The following CRYZL1 variants were observed in gnomAD, a reference collection of about 807,000 sequenced individuals.
CRYZL1 encodes the protein ferry endosomal RAB5 effector complex subunit 4.
Under a neutral mutation model 50.6 loss-of-function variants are expected in CRYZL1, and 34 were observed. That is an observed-to-expected ratio of 0.67 (90% CI 0.51 to 0.89). The LOEUF (loss-of-function observed/expected upper bound fraction) is 0.89, where lower values mean the gene tolerates loss of function less well. CRYZL1 is among the 40% of genes least tolerant of loss of function. The pLI, the probability that CRYZL1 is intolerant of heterozygous loss-of-function variation, is 0.00. For missense variants in CRYZL1, 354 were observed against 402.3 expected (o/e 0.88, Z 1.03); for synonymous variants, 125 against 134.3 (o/e 0.93, Z 0.48).
chr21:33,629,445 T>G (rs2087111727), intron 2 of CRYZL1, among the ~76,000 whole-genome samples: 3 of 152,194 alleles, frequency 2.0e-5, no homozygotes, highest in Admixed American at 2.0e-4. Context: ...GTATTTTTAG[T>G]AGAGATGGGG....
At chr21:33,608,699 C>T (rs1455621104) in intron 6 of CRYZL1, among the ~76,000 whole-genome samples, 1 of 152,158 alleles carries the variant, frequency 6.6e-6, no homozygotes, top group Non-Finnish European at 1.5e-5. Flanking sequence ...ACAAATGACA[C>T]AATTTCCTGC....
chr21:33,615,898 C>A (rs1320454786), intron 5 of CRYZL1, among the ~76,000 whole-genome samples: 1 of 152,170 alleles, frequency 6.6e-6, no homozygotes, highest in Non-Finnish European at 1.5e-5. Flanking sequence ...CTATGATTAT[C>A]TTTTTATCTA....
At chr21:33,634,778 T>G (rs2087182963) in intron 1 of CRYZL1, among the ~76,000 whole-genome samples, 1 of 151,802 alleles carries the variant, frequency 6.6e-6, no homozygotes, top group African/African-American at 2.4e-5. Context: ...GTCTCCCAGA[T>G]AAGCAGTCAC....
chr21:33,639,040 TAAAG>T (rs2087245213), intron 1 of CRYZL1, among the ~76,000 whole-genome samples: 1 of 152,236 alleles, frequency 6.6e-6, no homozygotes, highest in Admixed American at 6.5e-5. Flanking sequence ...ACTTGAGATC[TAAAG>T]ATAGATAAAG....
chr21:33,594,854 G>A (rs2086678773), intron 11 of CRYZL1: 2 of 152,514 alleles, frequency 1.3e-5, no homozygotes. Context: ...ATTGCTCCTG[G>A]AGGGAACTGG....
At chr21:33,600,849 C>A (rs962387739) in intron 8 of CRYZL1, among the ~76,000 whole-genome samples, 1 of 149,666 alleles carries the variant, frequency 6.7e-6, no homozygotes, top group South Asian at 2.1e-4. Flanking sequence ...GTATGGTCTC[C>A]ATCTCTGGAC....
intron 1 of CRYZL1, among the ~76,000 whole-genome samples, chr21:33,637,695 T>C (rs1005450330): frequency 1.3e-5 from 2 of 150,994 alleles, no homozygotes; most frequent in Non-Finnish European, 2.9e-5. Context: ...GGTTATAATG[T>C]TTCTAACCTA....
At chr21:33,598,931 T>C (rs1345613533) in intron 9 of CRYZL1, among the ~76,000 whole-genome samples, 1 of 152,124 alleles carries the variant, frequency 6.6e-6, no homozygotes, top group African/African-American at 2.4e-5. Flanking sequence ...TAGTCTACGC[T>C]GTAAAAGATA....
At chr21:33,622,465 A>C (rs1021785216) in intron 3 of CRYZL1, among the ~76,000 whole-genome samples, 4 of 152,304 alleles carry the variant, frequency 2.6e-5, no homozygotes, top group Admixed American at 2.6e-4. Flanking sequence ...GGGTGTGGCC[A>C]ATGAGAACAA....
rs926398439 is a variant in CRYZL1, at chr21:33,635,645, C to T, written c.-6-4088G>A. On this transcript the variant is annotated intron_variant, in intron 1 of 12. Coordinates refer to ENST00000381554, the MANE Select transcript of CRYZL1 (RefSeq NM_145858.3). ...CTGGGATTATAGGCGTGAGCCACCGCGCCCGGCCATAAAAGTATTAAACAT... is the reference window on the plus strand; with the variant it reads ...CTGGGATTATAGGCGTGAGCCACCGTGCCCGGCCATAAAAGTATTAAACAT... Among the ~76,000 whole-genome samples, 5 of 151,036 alleles carry T rather than the reference C, an allele frequency of 3.3e-5. No individual in the cohort carries two copies. In the South Asian group the frequency reaches 8.4e-4, roughly 25 times the overall value.
At chr21:33,612,095 A>G (rs1292877653) in intron 6 of CRYZL1, among the ~76,000 whole-genome samples, 3 of 152,164 alleles carry the variant, frequency 2.0e-5, no homozygotes, top group African/African-American at 7.2e-5. Context: ...AGCTGCTATC[A>G]ACTCTTATGC....
At chr21:33,591,968 AAAAG>A (rs1569080032) in intron 11 of CRYZL1, among the ~76,000 whole-genome samples, 2 of 151,804 alleles carry the variant, frequency 1.3e-5, no homozygotes, top group African/African-American at 2.4e-5. Flanking sequence ...AAGAAAAAAA[AAAAG>A]AAAGAAAAAA....
chr21:33,593,315 C>T (rs2086661762), intron 11 of CRYZL1, among the ~76,000 whole-genome samples: 1 of 151,970 alleles, frequency 6.6e-6, no homozygotes, highest in Admixed American at 6.6e-5. Flanking sequence ...ACCATGTTCG[C>T]CAGGATGGTC....
intron 1 of CRYZL1, chr21:33,640,015 G>A (rs764941966): frequency 1.0e-4 from 69 of 669,232 alleles, no homozygotes; most frequent in South Asian, 2.3e-4. Context: ...TAGTAGACAC[G>A]GGGTTTCACC....
chr21:33,641,138 T>G, intron 1 of CRYZL1: 2 of 1,548,708 alleles, frequency 1.3e-6, no homozygotes, highest in Non-Finnish European at 1.7e-6. Flanking sequence ...GAAACGCAGA[T>G]GTTCGGCCCC....
At chr21:33,627,835 C>T (rs2087086422) in intron 2 of CRYZL1, among the ~76,000 whole-genome samples, 1 of 151,300 alleles carries the variant, frequency 6.6e-6, no homozygotes, top group Admixed American at 6.6e-5. Context: ...AACTCCGCCT[C>T]CCGGGTTCAT....
intron 9 of CRYZL1, among the ~76,000 whole-genome samples, chr21:33,598,204 A>G (rs1218582454): frequency 1.3e-5 from 2 of 152,246 alleles, no homozygotes; most frequent in Admixed American, 6.5e-5. Context: ...AAACTCATAG[A>G]CTCAAGATAG....
At chr21:33,595,413 A>G (rs891635875) in intron 11 of CRYZL1, 2 of 1,338,062 alleles carry the variant, frequency 1.5e-6, no homozygotes, top group African/African-American at 1.5e-5. Flanking sequence ...TCTTCCAGGT[A>G]TCTTAGGGCT....
At chr21:33,619,559 TTTC>T (rs2086971456) in intron 4 of CRYZL1, among the ~76,000 whole-genome samples, 1 of 151,858 alleles carries the variant, frequency 6.6e-6, no homozygotes, top group African/African-American at 2.4e-5. Flanking sequence ...ATAATTTTTT[TTTC>T]TTTTTCTTTT....
Sources: allele counts gnomAD v4.1 joint callset (sites outside exome capture counted in the v4.1 genomes callset), GRCh38; gene constraint gnomAD v4.1.1; transcripts MANE v1.5; gene names NCBI Gene and HGNC (gene_info 2026-07-23, HGNC 2026-07-21).